Variants in USP6NL observed in about 807,000 individuals in gnomAD.
The protein encoded by USP6NL is USP6 N-terminal like.
Under a neutral mutation model 61.9 loss-of-function variants are expected in USP6NL, and 26 were observed. That is an observed-to-expected ratio of 0.42 (90% CI 0.31 to 0.58). The LOEUF is 0.58. Ranked by LOEUF, USP6NL falls within the 20% of genes least tolerant of loss-of-function variation. USP6NL has a pLI of 0.16. For synonymous variants in USP6NL, 432 were observed against 390.1 expected (o/e 1.11, Z -1.27); for missense variants, 1,114 against 1,034.3 (o/e 1.08, Z -1.06).
rs776578747 is a variant in USP6NL at position 11,597,646 on chromosome 10, G to T, written c.-12C>A. 37 of 1,551,224 alleles carry T rather than the reference G, an allele frequency of 2.4e-5. No individual in the cohort carries two copies. The highest frequency in any genetic ancestry group is 2.9e-5 in the Non-Finnish European group (33 of 1,146,714). Reference sequence around the variant, plus strand: ...GCGCACTTACTCATGACTGGAAATGGGTCTGAATGTTGTCCCAATCAGATA... The same window carrying T: ...GCGCACTTACTCATGACTGGAAATGTGTCTGAATGTTGTCCCAATCAGATA... On this transcript the variant is annotated 5_prime_UTR_variant, in exon 2 of 15. Coordinates refer to ENST00000609104, the MANE Select transcript of USP6NL (RefSeq NM_014688.5). This position sits in a 1 kb window ranked among gnomAD's most constrained non-coding sequence, Gnocchi z 4.6.
intron 1 of USP6NL, among the ~76,000 whole-genome samples, chr10:11,607,389 A>G (rs1333135175): frequency 2.6e-5 from 4 of 152,226 alleles, no homozygotes; most frequent in African/African-American, 9.6e-5. Context: ...CATTAATTCT[A>G]TAATAAAATA....
chr10:11,583,312 C>T (rs1037779532), intron 2 of USP6NL, among the ~76,000 whole-genome samples: 1 of 151,404 alleles, frequency 6.6e-6, no homozygotes, highest in African/African-American at 2.4e-5. Context: ...CTCAGTCTCC[C>T]GAGTAGCTGG....
At chr10:11,479,353 G>A (rs190986943) in intron 14 of USP6NL, among the ~76,000 whole-genome samples, 2 of 151,634 alleles carry the variant, frequency 1.3e-5, no homozygotes, top group Non-Finnish European at 2.9e-5. Context: ...AAGAAAGAAG[G>A]GTGCCCCAAA....
chr10:11,560,085 T>C (rs991880275), intron 2 of USP6NL, among the ~76,000 whole-genome samples: 1 of 152,174 alleles, frequency 6.6e-6, no homozygotes, highest in African/African-American at 2.4e-5. Context: ...AGAATAATAA[T>C]TCCATAAAAA....
At chr10:11,501,230 T>C (rs1303159630) in intron 6 of USP6NL, 22 bp from the exon 7 acceptor site, 12 of 1,578,280 alleles carry the variant, frequency 7.6e-6, no homozygotes, top group Non-Finnish European at 9.5e-6. Flanking sequence ...AAAAAGAAAC[T>C]GAAGGTTACA....
rs1833708820 is a variant in USP6NL at position 11,491,546 on chromosome 10, T to G, written c.495-666A>C. 6.6e-6 allele frequency among the ~76,000 whole-genome samples: 1 copy of G among 152,172 alleles called. No individual in the cohort carries two copies. The highest frequency in any genetic ancestry group is 6.5e-5 in the Admixed American group (1 of 15,282). ...AGCTGAAACTGCCACCCAACCACTT[T>G]GGGCTCCTTATGCCTCTGAACCAAC... On this transcript the variant is annotated intron_variant, in intron 8 of 14. Transcript: ENST00000609104. The surrounding 1 kb of genome is among the most constrained non-coding windows in gnomAD (Gnocchi z 4.7).
rs1591842847 is a variant in USP6NL at position 11,495,707 on chromosome 10, A to G, written c.385-2479T>C. 6.6e-6 allele frequency among the ~76,000 whole-genome samples: 1 copy of G among 152,204 alleles called. No individual in the cohort carries two copies. The highest frequency in any genetic ancestry group is 2.4e-5 in the African/African-American group (1 of 41,450). ...ATGCAGTATCTATTTTTCTCTGAAG[A>G]TATTAAAAATAGTTTTTTAGATTCT... is the stretch of plus-strand genomic sequence containing the variant. On this transcript the variant is annotated intron_variant, in intron 7 of 14. Transcript: ENST00000609104. The surrounding 1 kb of genome is among the most constrained non-coding windows in gnomAD (Gnocchi z 4.6).
chr10:11,577,513 TG>T (rs1193055637), intron 2 of USP6NL, among the ~76,000 whole-genome samples: 1 of 152,120 alleles, frequency 6.6e-6, no homozygotes, highest in East Asian at 1.9e-4. Context: ...TTGTTTGTTT[TG>T]GGGGAGGACA....
rs1833045064 is a variant in USP6NL at position 11,478,158 on chromosome 10, C to A, written c.1078+3612G>T. Among the ~76,000 whole-genome samples the A allele has an allele frequency of 6.6e-6, 1 of 152,172 alleles. No homozygotes were observed. Among genetic ancestry groups the A allele is most frequent in the Admixed American group, 6.5e-5 (1 of 15,290 alleles). On this transcript the variant is annotated intron_variant, in intron 14 of 14. Coordinates refer to ENST00000609104, the MANE Select transcript of USP6NL (RefSeq NM_014688.5). The surrounding 1 kb of genome is among the most constrained non-coding windows in gnomAD (Gnocchi z 6.8). ...CAACTTGCAATAGCAATAAAAGATA[C>A]AACTATCCCCCATAGGACGTGGCAC... is the stretch of plus-strand genomic sequence containing the variant.
intron 2 of USP6NL, among the ~76,000 whole-genome samples, chr10:11,581,188 A>G (rs1837756336): frequency 6.6e-6 from 1 of 152,226 alleles, no homozygotes; most frequent in African/African-American, 2.4e-5. Context: ...AAGCCAAAAG[A>G]AAATAAAAAT....
intron 2 of USP6NL, among the ~76,000 whole-genome samples, chr10:11,558,899 C>T (rs572538247): frequency 2.2e-4 from 34 of 152,190 alleles, no homozygotes; most frequent in Admixed American, 2.0e-3. Flanking sequence ...AATATTAGTA[C>T]ATATTTGGTA....
chr10:11,524,010 C>T (rs1052113301), intron 4 of USP6NL, among the ~76,000 whole-genome samples: 1 of 152,182 alleles, frequency 6.6e-6, no homozygotes, highest in Non-Finnish European at 1.5e-5. Context: ...GCACACTAAC[C>T]CACACAAATA....
chr10:11,493,114 C>T lies in USP6NL; in HGVS notation c.494+5G>A, dbSNP rs775434122. 1.3e-6 allele frequency: 2 copies of T among 1,593,270 alleles called. No individual in the cohort carries two copies. The highest frequency in any genetic ancestry group is 1.3e-5 in the African/African-American group (1 of 74,534). On this transcript the variant is annotated splice_donor_5th_base_variant and intron_variant, in intron 8 of 14. Transcript: ENST00000609104. Reference sequence around the variant, plus strand: ...TAACATTTCATAATATTAAACTTTACTCACTTAACACCATATCTGTCTCTA... The same window carrying T: ...TAACATTTCATAATATTAAACTTTATTCACTTAACACCATATCTGTCTCTA...
At chr10:11,493,033 A>G in intron 8 of USP6NL, 86 bp downstream of exon 8, 1 of 1,168,714 alleles carries the variant, frequency 8.6e-7, no homozygotes, top group East Asian at 2.6e-5. Flanking sequence ...AATCGAAATT[A>G]CAGTCTATAA....
chr10:11,573,129 T>C (rs1189997503), intron 2 of USP6NL, among the ~76,000 whole-genome samples: 1 of 152,206 alleles, frequency 6.6e-6, no homozygotes, highest in Non-Finnish European at 1.5e-5. Context: ...ATTCATTGGC[T>C]AAATTCATAT....
At position 11,522,732 on chromosome 10, in the gene USP6NL, AT is replaced by A. The variant is rs200508771; in HGVS notation, c.155+2653del. 5.6e-4 allele frequency among the ~76,000 whole-genome samples: 86 copies of A among 152,362 alleles called. 1 individual carries two copies. The East Asian group carries it at 0.013, about 23-fold the overall frequency. On this transcript the variant is annotated intron_variant, in intron 4 of 14. Transcript: ENST00000609104. ...AGTACGTATCTCAATAGCAGTGTTC[AT>A]TTCAAACAGTATCCTTCTCTTTAGG...
At chr10:11,550,166 T>TA (rs1308318898) in intron 2 of USP6NL, among the ~76,000 whole-genome samples, 1 of 152,176 alleles carries the variant, frequency 6.6e-6, no homozygotes, top group Non-Finnish European at 1.5e-5. Flanking sequence ...TATGAAAGTG[T>TA]AAAAACTATT....
At chr10:11,580,578 T>C (rs916144532) in intron 2 of USP6NL, among the ~76,000 whole-genome samples, 6 of 152,178 alleles carry the variant, frequency 3.9e-5, no homozygotes, top group Non-Finnish European at 5.9e-5. Context: ...TGATTGTCAA[T>C]CTGCAGTGAA....
At chr10:11,603,411 C>G (rs751700449) in intron 1 of USP6NL, among the ~76,000 whole-genome samples, 1 of 152,156 alleles carries the variant, frequency 6.6e-6, no homozygotes, top group Non-Finnish European at 1.5e-5. Flanking sequence ...CTTGATACAT[C>G]ATATCAGAAC....
Sources: gnomAD v4.1 joint callset for allele counts (sites outside exome capture counted in the v4.1 genomes callset) on GRCh38, gnomAD v4.1.1 for gene constraint, Gnocchi (gnomAD v3.1) non-coding constraint, MANE v1.5 for transcripts, NCBI Gene and HGNC (gene_info 2026-07-23, HGNC 2026-07-21) for gene names.